CPNE8: variants seen among roughly 807,000 people sequenced by gnomAD.
CPNE8 encodes the protein copine 8.
A neutral mutation model predicts 81.5 loss-of-function variants in CPNE8; 45 were observed. The observed-to-expected ratio is 0.55, with a 90% CI of 0.44 to 0.71. The LOEUF is 0.71. Among genes scored for constraint, CPNE8 ranks in the 30% least tolerant of loss-of-function variants. CPNE8 has a pLI of 0.00. For synonymous variants in CPNE8, 252 were observed against 226.3 expected (o/e 1.11, Z -1.02); for missense variants, 594 against 672.1 (o/e 0.88, Z 1.28).
chr12:38,869,656 G>A (rs954374129), intron 3 of CPNE8, among the ~76,000 whole-genome samples: 7 of 151,982 alleles, frequency 4.6e-5, no homozygotes, highest in African/African-American at 9.7e-5. Flanking sequence ...TATTCTTCCA[G>A]ACCATTCTCT....
chr12:38,799,289 C>G lies in CPNE8; in HGVS notation c.408-22988G>C, dbSNP rs956027562. ...CACCTATTCCAAAATTGACCACATA[C>G]TTGGAAGTAAAGCTCTCCTCAGCAA... On this transcript the variant is annotated intron_variant, in intron 6 of 19. Transcript: ENST00000331366. 4.3e-4 allele frequency among the ~76,000 whole-genome samples: 66 copies of G among 152,022 alleles called. 1 individual carries two copies. The highest frequency in any genetic ancestry group is 2.3e-3 in the Admixed American group (35 of 15,258).
chr12:38,820,694 A>T (rs922761303), intron 6 of CPNE8, among the ~76,000 whole-genome samples: 2 of 152,216 alleles, frequency 1.3e-5, no homozygotes, highest in Non-Finnish European at 2.9e-5. Context: ...TAATGTTTCC[A>T]ACAGGTTTTC....
chr12:38,799,187 C>T (rs979181021), intron 6 of CPNE8, among the ~76,000 whole-genome samples: 3 of 152,100 alleles, frequency 2.0e-5, no homozygotes, highest in African/African-American at 7.2e-5. Context: ...CTCATCTCTG[C>T]ACCAAGGGGA....
intron 5 of CPNE8, among the ~76,000 whole-genome samples, chr12:38,831,541 A>G (rs559632754): frequency 1.3e-5 from 2 of 152,318 alleles, no homozygotes; most frequent in Admixed American, 6.5e-5. Flanking sequence ...ATAACCCCAC[A>G]TCTGATACTT....
At chr12:38,798,095 G>T (rs895406363) in intron 6 of CPNE8, among the ~76,000 whole-genome samples, 10 of 152,144 alleles carry the variant, frequency 6.6e-5, no homozygotes, top group African/African-American at 2.4e-4. Context: ...AAAGTGACAG[G>T]GAGAATGGAA....
At chr12:38,782,654 T>C (rs375471591) in intron 6 of CPNE8, among the ~76,000 whole-genome samples, 14 of 151,546 alleles carry the variant, frequency 9.2e-5, no homozygotes, top group African/African-American at 3.2e-4. Context: ...TAAACAGGAG[T>C]TCTGAACTAC....
intron 6 of CPNE8, among the ~76,000 whole-genome samples, chr12:38,796,027 G>A (rs980065347): frequency 4.6e-5 from 7 of 152,158 alleles, no homozygotes; most frequent in African/African-American, 7.2e-5. Flanking sequence ...TTGAGAGGCC[G>A]AGGCAGGCAG....
chr12:38,760,210 T>C (rs1040617010), intron 10 of CPNE8, among the ~76,000 whole-genome samples: 23 of 152,194 alleles, frequency 1.5e-4, no homozygotes, highest in African/African-American at 5.3e-4. Context: ...GATTTGAGCA[T>C]TTCTGGGTCC....
At chr12:38,723,677 G>A (rs75691942) in intron 13 of CPNE8, 95 bp downstream of exon 13, 10,074 of 775,096 alleles carry the variant, frequency 0.013, 84 homozygotes, top group Middle Eastern at 0.027. Flanking sequence ...TATAATAAAG[G>A]TGATCATTTC....
chr12:38,730,756 A>G (rs1430504537), intron 10 of CPNE8, among the ~76,000 whole-genome samples: 1 of 151,680 alleles, frequency 6.6e-6, no homozygotes, highest in Non-Finnish European at 1.5e-5. Context: ...TTAAAATATA[A>G]TAATTTAAGA....
intron 1 of CPNE8, among the ~76,000 whole-genome samples, chr12:38,877,749 G>T (rs1025855295): frequency 3.3e-5 from 5 of 152,010 alleles, no homozygotes; most frequent in Admixed American, 6.5e-5. Flanking sequence ...AACTAAAGCC[G>T]AGGCCCAGCC....
intron 1 of CPNE8, among the ~76,000 whole-genome samples, chr12:38,904,166 TAAGGA>T (rs1944529041): frequency 6.6e-6 from 1 of 152,110 alleles, no homozygotes; most frequent in Admixed American, 6.5e-5. Flanking sequence ...GCAAGTTTGC[TAAGGA>T]AAGGAAAGGG....
chr12:38,704,875 C>T (rs1224545066), intron 13 of CPNE8, among the ~76,000 whole-genome samples: 3 of 80,468 alleles, frequency 3.7e-5, no homozygotes, highest in Non-Finnish European at 5.3e-5. Context: ...TAAATTTCGG[C>T]ACATGGTTGT....
At chr12:38,883,298 C>G (rs1322697262) in intron 1 of CPNE8, among the ~76,000 whole-genome samples, 1 of 152,124 alleles carries the variant, frequency 6.6e-6, no homozygotes, top group East Asian at 1.9e-4. Flanking sequence ...TTTTGTTACA[C>G]TATTCATCTA....
intron 6 of CPNE8, among the ~76,000 whole-genome samples, chr12:38,811,360 G>A (rs1942931500): frequency 6.6e-6 from 1 of 151,974 alleles, no homozygotes; most frequent in Non-Finnish European, 1.5e-5. Flanking sequence ...TAGATACTAG[G>A]CAAATCTATT....
In CPNE8 at chr12:38,762,137, C is replaced by T. The variant is rs1259555710; in HGVS notation, c.655G>A (p.Ala219Thr). The stretch of plus-strand genomic sequence containing the variant: ...CTGTCATAGTCTCCATTACATAATG[C>T]TCTGACTGAGATCTTGAATGCTTGC... Reference protein sequence around the residue: ...VWQAFKISVRALCNGDYDRTI... With the variant: ...VWQAFKISVRTLCNGDYDRTI... The change falls in exon 9 of 20, where the codon GCA (alanine) becomes ACA (threonine). Residue 219 changes from alanine to threonine, a missense_variant. Coordinates refer to ENST00000331366, the MANE Select transcript of CPNE8 (RefSeq NM_153634.3). The T allele has an allele frequency of 6.3e-7, 1 of 1,593,030 alleles. No homozygotes were observed. Among genetic ancestry groups the T allele is most frequent in the Non-Finnish European group, 8.6e-7 (1 of 1,167,266 alleles).
intron 6 of CPNE8, among the ~76,000 whole-genome samples, chr12:38,783,060 C>G (rs1001114430): frequency 6.6e-6 from 1 of 152,106 alleles, no homozygotes; most frequent in African/African-American, 2.4e-5. Context: ...AAGATTGCTT[C>G]TTTTAACTGT....
chr12:38,704,836 A>ATATATATATATATGTG lies in CPNE8; in HGVS notation c.915-1916_915-1915insCACATATATATATATA, dbSNP rs1565575591. ...TGTGTGTATGTATGTGTATATATAT[A>ATATATATATATATGTG]TATATATATATATATATATATATAT... On this transcript the variant is annotated intron_variant, in intron 13 of 19. Coordinates refer to ENST00000331366, the MANE Select transcript of CPNE8 (RefSeq NM_153634.3). Among the ~76,000 whole-genome samples the ATATATATATATATGTG allele has an allele frequency of 5.3e-4, 23 of 43,642 alleles. 4 individuals carry two copies. The highest frequency in any genetic ancestry group is 1.1e-3 in the Non-Finnish European group (18 of 17,122). 28.6% of individuals were successfully genotyped at this position (43,642 alleles called of 152,430 possible).
intron 13 of CPNE8, among the ~76,000 whole-genome samples, chr12:38,703,356 C>T (rs1348916718): frequency 6.6e-6 from 1 of 152,018 alleles, no homozygotes; most frequent in Non-Finnish European, 1.5e-5. Flanking sequence ...AATGTCATTC[C>T]TTAAACTAAT....
Sources: gnomAD v4.1 joint callset for allele counts (sites outside exome capture counted in the v4.1 genomes callset) on GRCh38, gnomAD v4.1.1 for gene constraint, MANE v1.5 for transcripts, NCBI Gene and HGNC (gene_info 2026-07-23, HGNC 2026-07-21) for gene names.